Variants in PTPN21 observed in about 807,000 individuals in gnomAD.
PTPN21 encodes protein tyrosine phosphatase non-receptor type 21.
Under a neutral mutation model 131.8 loss-of-function variants are expected in PTPN21, and 77 were observed. The ratio of observed to expected loss-of-function variants is 0.58; its 90% CI spans 0.49 to 0.71. The LOEUF (loss-of-function observed/expected upper bound fraction) is 0.71, where lower values mean the gene tolerates loss of function less well. PTPN21 is among the 30% of genes least tolerant of loss of function. The pLI, the probability that PTPN21 is intolerant of heterozygous loss-of-function variation, is 0.00. For synonymous variants in PTPN21, 715 were observed against 621.3 expected (o/e 1.15, Z -2.24); for missense variants, 1,552 against 1,527.1 (o/e 1.02, Z -0.27).
intron 1 of PTPN21, chr14:88,551,525 G>C (rs1455713222): frequency 6.6e-6 from 1 of 152,252 alleles, no homozygotes; most frequent in Non-Finnish European, 1.5e-5. Flanking sequence ...TTCTGCAGCC[G>C]CGTTTCTGGA....
At chr14:88,539,460 C>G (rs2078675118) in intron 2 of PTPN21, among the ~76,000 whole-genome samples, 1 of 152,040 alleles carries the variant, frequency 6.6e-6, no homozygotes, top group African/African-American at 2.4e-5. Context: ...GTTGGTCAGG[C>G]TGGTCTCCAA....
chr14:88,518,286 A>G (rs1272266428), intron 2 of PTPN21, among the ~76,000 whole-genome samples: 3 of 104,818 alleles, frequency 2.9e-5, no homozygotes, highest in Non-Finnish European at 5.8e-5. Context: ...ACACACACAT[A>G]CGCACACACA....
intron 12 of PTPN21, among the ~76,000 whole-genome samples, chr14:88,483,827 A>T (rs1048767067): frequency 1.3e-5 from 2 of 152,134 alleles, no homozygotes; most frequent in African/African-American, 4.8e-5. Flanking sequence ...GCTGTCTCAG[A>T]AAAACTATCA....
At chr14:88,523,449 T>A (rs1021558834) in intron 2 of PTPN21, among the ~76,000 whole-genome samples, 1 of 152,088 alleles carries the variant, frequency 6.6e-6, no homozygotes, top group African/African-American at 2.4e-5. Context: ...AAGAGCTTCT[T>A]AACATGACAA....
chr14:88,525,113 A>C (rs1314657679), intron 2 of PTPN21, among the ~76,000 whole-genome samples: 1 of 152,054 alleles, frequency 6.6e-6, no homozygotes, highest in Non-Finnish European at 1.5e-5. Context: ...AGTGGCACAC[A>C]CCTGTAGTCC....
intron 4 of PTPN21, among the ~76,000 whole-genome samples, chr14:88,506,391 A>C (rs1370544466): frequency 1.3e-5 from 2 of 152,172 alleles, no homozygotes; most frequent in African/African-American, 4.8e-5. Context: ...CAGACATGTA[A>C]AAATGAAAAA....
Position 88,479,020 on chromosome 14 carries a change from G to A in PTPN21, c.2411C>T (p.Ser804Leu), listed in dbSNP as rs1466915417. ...PSMSESDLTT[S>L]GRYRARRDSL... is the part of the protein sequence containing the mutation. ...GTCCCTCCGGGCTCGGTAGCGGCCT[G>A]ACGTGGTGAGGTCGGACTCCGACAT... is the stretch of plus-strand genomic sequence containing the variant. Residue 804 changes from serine to leucine, a missense_variant, in exon 13 of 19, where the codon TCA becomes TTA. This residue lies in a region of PTPN21 where 1,016 missense variants were observed against 883.5 expected (regional missense o/e 1.15). Transcript: ENST00000556564. The A allele has an allele frequency of 1.2e-6, 2 of 1,606,786 alleles. No individual in the cohort carries two copies. The highest frequency in any genetic ancestry group is 8.5e-7 in the Non-Finnish European group (1 of 1,177,342).
intron 10 of PTPN21, among the ~76,000 whole-genome samples, chr14:88,490,076 C>G (rs1016172877): frequency 1.3e-5 from 2 of 151,550 alleles, no homozygotes; most frequent in Admixed American, 6.6e-5. Flanking sequence ...TGGTGCGATC[C>G]TGGCTCACTG....
chr14:88,469,708 C>G lies in PTPN21; in HGVS notation c.3026G>C (p.Arg1009Thr). Residue 1009 changes from arginine (R) to threonine (T), a missense_variant, in exon 17 of 19, where the codon AGG becomes ACG. By Grantham distance (71) the Arg-to-Thr change is moderately conservative (BLOSUM62 -1). Coordinates refer to ENST00000556564, the MANE Select transcript of PTPN21 (RefSeq NM_007039.4). The surrounding 1 kb of genome is among the most constrained non-coding windows in gnomAD (Gnocchi z 4.3). Reference protein sequence around the residue: ...EEEGGREKSFRYWPRLGSRHN... With the variant: ...EEEGGREKSFTYWPRLGSRHN... Reference sequence around the variant, plus strand: ...CCTGGAACCAAGTCGTGGCCAGTACCTAAAGCTCTTCTCCCTTCCACCCTC... The same window carrying G: ...CCTGGAACCAAGTCGTGGCCAGTACGTAAAGCTCTTCTCCCTTCCACCCTC... The G allele has an allele frequency of 6.2e-7, 1 of 1,614,202 alleles. No individual in the cohort carries two copies. The highest frequency in any genetic ancestry group is 8.5e-7 in the Non-Finnish European group (1 of 1,180,046).
chr14:88,508,778 A>G (rs1277761160), intron 3 of PTPN21, among the ~76,000 whole-genome samples: 5 of 152,240 alleles, frequency 3.3e-5, no homozygotes, highest in African/African-American at 1.2e-4. Flanking sequence ...ATTTCAGACC[A>G]GGCTGATATT....
chr14:88,529,285 T>C (rs1475446026), intron 2 of PTPN21, among the ~76,000 whole-genome samples: 2 of 152,176 alleles, frequency 1.3e-5, no homozygotes, highest in African/African-American at 4.8e-5. Context: ...ATTGACTTGA[T>C]ATTAAACCAA....
At chr14:88,533,503 A>G (rs919302289) in intron 2 of PTPN21, among the ~76,000 whole-genome samples, 1 of 152,248 alleles carries the variant, frequency 6.6e-6, no homozygotes, top group African/African-American at 2.4e-5. Context: ...TGTACAGTAC[A>G]TAACACTGGA....
At chr14:88,493,831 T>C (rs939356661) in intron 10 of PTPN21, among the ~76,000 whole-genome samples, 1 of 152,240 alleles carries the variant, frequency 6.6e-6, no homozygotes, top group African/African-American at 2.4e-5. Context: ...ACCATTTTCC[T>C]AAGGGATCTT....
At position 88,479,751 on chromosome 14, in the gene PTPN21, C is replaced by T. The variant is rs761066916; in HGVS notation, c.1680G>A (p.Thr560=). 7 of 1,542,942 alleles carry T rather than the reference C, an allele frequency of 4.5e-6. No homozygotes were observed. The highest frequency in any genetic ancestry group is 1.7e-6 in the Non-Finnish European group (2 of 1,151,670). Residue 560 remains threonine (T), a synonymous_variant, in exon 13 of 19, where the codon ACG becomes ACA. Transcript: ENST00000556564. ...QDYPSPNIMR[T]QVYRPPPPYP... is the part of the protein sequence containing the mutation. ...AGGGTGGGGGTGGCCGGTACACCTG[C>T]GTCCGCATGATGTTGGGAGACGGGT...
intron 10 of PTPN21, among the ~76,000 whole-genome samples, chr14:88,495,049 CAGTGT>C (rs1356524873): frequency 0.079 from 5,107 of 64,278 alleles, 363 homozygotes; most frequent in African/African-American, 0.27. Context: ...AGAAGAGTGT[CAGTGT>C]CAGGATCTGA....
intron 14 of PTPN21, among the ~76,000 whole-genome samples, chr14:88,473,383 TTTA>T (rs1315883495): frequency 6.6e-6 from 1 of 152,128 alleles, no homozygotes; most frequent in Non-Finnish European, 1.5e-5. Context: ...TTCTTCTCAC[TTTA>T]AGGCCATCAA....
chr14:88,547,504 A>T, intron 2 of PTPN21: 1 of 281,236 alleles, frequency 3.6e-6, no homozygotes, highest in Non-Finnish European at 7.1e-6. Context: ...TAAAAAAAAA[A>T]TTAGCTGGGT....
chr14:88,549,750 C>CA, intron 2 of PTPN21, among the ~76,000 whole-genome samples: 1 of 151,958 alleles, frequency 6.6e-6, no homozygotes, highest in Non-Finnish European at 1.5e-5. Flanking sequence ...AGGCACCCAC[C>CA]ACCACGCCCA....
intron 3 of PTPN21, chr14:88,515,033 C>G (rs74074935): frequency 0.048 from 7,368 of 152,122 alleles, 235 homozygotes; most frequent in South Asian, 0.099. Context: ...ATAGACAGAA[C>G]TCTGGATATC....
Sources: allele counts gnomAD v4.1 joint callset (sites outside exome capture counted in the v4.1 genomes callset), GRCh38; gene constraint gnomAD v4.1.1; regional missense constraint gnomAD v4.1.1; non-coding constraint Gnocchi (gnomAD v3.1); transcripts MANE v1.5; gene names NCBI Gene and HGNC (gene_info 2026-07-23, HGNC 2026-07-21).